LSAMP: variants seen among roughly 807,000 people sequenced by gnomAD.
LSAMP encodes limbic system-associated membrane protein.
A neutral mutation model predicts 38.6 loss-of-function variants in LSAMP; 7 were observed. The observed-to-expected ratio is 0.18, with a 90% confidence interval of 0.10 to 0.34. LSAMP has a LOEUF of 0.34. Ranked by LOEUF, LSAMP falls within the 10% of genes least tolerant of loss-of-function variation. LSAMP has a pLI of 1.00. For synonymous variants in LSAMP, 154 were observed against 166.8 expected, an observed-to-expected ratio of 0.92 and a Z score of 0.59; for missense variants, 313 against 420.0, an observed-to-expected ratio of 0.75 and a Z score of 2.23.
At chr3:116,181,699 A>C (rs1710488772) in intron 1 of LSAMP, among the ~76,000 whole-genome samples, 1 of 151,976 alleles carries the variant, frequency 6.6e-6, no homozygotes, top group African/African-American at 2.4e-5. Context: ...GTTATTATTC[A>C]TCACAATATC....
intron 6 of LSAMP, among the ~76,000 whole-genome samples, chr3:115,811,165 G>C (rs1351023540): frequency 6.6e-6 from 1 of 152,200 alleles, no homozygotes; most frequent in Admixed American, 6.5e-5. Context: ...AACTCACCCA[G>C]ATTAACCTGG....
chr3:115,815,651 G>A (rs998032116), intron 6 of LSAMP, among the ~76,000 whole-genome samples: 7 of 152,154 alleles, frequency 4.6e-5, no homozygotes, highest in African/African-American at 1.7e-4. Context: ...ACAATGCTAT[G>A]CCTTATTTTT....
intron 1 of LSAMP, among the ~76,000 whole-genome samples, chr3:116,247,239 C>T (rs2046616470): frequency 1.3e-5 from 2 of 152,136 alleles, no homozygotes; most frequent in South Asian, 4.1e-4. Flanking sequence ...ATGTCCCTAC[C>T]TCTGTATTGT....
At chr3:115,905,153 C>A (rs1936977484) in intron 3 of LSAMP, among the ~76,000 whole-genome samples, 1 of 152,084 alleles carries the variant, frequency 6.6e-6, no homozygotes, top group Non-Finnish European at 1.5e-5. Flanking sequence ...TGGGAAAATA[C>A]ACTCCAGGTT....
At chr3:115,896,686 G>C (rs973816240) in intron 3 of LSAMP, among the ~76,000 whole-genome samples, 6 of 152,046 alleles carry the variant, frequency 3.9e-5, no homozygotes, top group South Asian at 2.1e-4. Context: ...ATTGATTTAG[G>C]TATTGAGGAA....
chr3:116,049,021 G>A (rs954065239), intron 2 of LSAMP, among the ~76,000 whole-genome samples: 2 of 152,212 alleles, frequency 1.3e-5, no homozygotes, highest in South Asian at 4.1e-4. Flanking sequence ...TGATACTATA[G>A]AAGTTCAGTG....
rs1252075850 is a variant in LSAMP, at chr3:115,884,493, G to T, written c.515-31876C>A. Among the ~76,000 whole-genome samples, 3 of 152,118 alleles carry T rather than the reference G, an allele frequency of 2.0e-5. 1 individual carries two copies. The highest frequency in any genetic ancestry group is 7.2e-5 in the African/African-American group (3 of 41,540). On this transcript the variant is annotated intron_variant, in intron 3 of 6. Coordinates refer to ENST00000490035, the MANE Select transcript of LSAMP (RefSeq NM_002338.5). ...AATTCAAATTCAATCTGAAATTAAT[G>T]CTGTTGGATTGGCAATTAGTAAAGG...
chr3:115,952,371 G>A (rs1451346665), intron 3 of LSAMP, among the ~76,000 whole-genome samples: 1 of 152,180 alleles, frequency 6.6e-6, no homozygotes, highest in Admixed American at 6.5e-5. Flanking sequence ...AAACACCATG[G>A]AATACAACTC....
intron 2 of LSAMP, among the ~76,000 whole-genome samples, chr3:116,046,453 A>C (rs1044571610): frequency 8.5e-5 from 13 of 152,240 alleles, no homozygotes; most frequent in Non-Finnish European, 1.8e-4. Flanking sequence ...GTTCCTGCAC[A>C]GAACTCTGGT....
intron 1 of LSAMP, among the ~76,000 whole-genome samples, chr3:116,158,910 G>GAAACA (rs1045492999): frequency 6.6e-6 from 1 of 151,644 alleles, no homozygotes; most frequent in Non-Finnish European, 1.5e-5. Context: ...AAGCAAAAAC[G>GAAACA]AAACAAAACA....
intron 3 of LSAMP, among the ~76,000 whole-genome samples, chr3:115,918,470 G>T (rs1937303212): frequency 6.6e-6 from 1 of 152,148 alleles, no homozygotes; most frequent in Admixed American, 6.5e-5. Flanking sequence ...ATTTTGAGGT[G>T]GGAGAAGGGG....
At chr3:116,413,914 C>T (rs988616205) in intron 1 of LSAMP, among the ~76,000 whole-genome samples, 2 of 128,402 alleles carry the variant, frequency 1.6e-5, no homozygotes, top group African/African-American at 5.5e-5. Flanking sequence ...AAAAAAAAAA[C>T]AAACCAAAAA....
At chr3:116,024,179 G>T (rs1050239152) in intron 2 of LSAMP, among the ~76,000 whole-genome samples, 2 of 152,076 alleles carry the variant, frequency 1.3e-5, no homozygotes, top group Admixed American at 6.5e-5. Flanking sequence ...CATGACAGCT[G>T]GGTTACTTAC....
chr3:116,358,505 C>T (rs758692608), intron 1 of LSAMP, among the ~76,000 whole-genome samples: 3 of 152,086 alleles, frequency 2.0e-5, no homozygotes, highest in Non-Finnish European at 4.4e-5. Flanking sequence ...AACCCCTCCC[C>T]ACACTTGGAC....
At chr3:116,069,150 A>G (rs1707536382) in intron 2 of LSAMP, among the ~76,000 whole-genome samples, 1 of 152,144 alleles carries the variant, frequency 6.6e-6, no homozygotes, top group South Asian at 2.1e-4. Context: ...CACGGACCCT[A>G]ACAGGCCTGC....
At chr3:116,090,958 C>T (rs999510859) in intron 1 of LSAMP, among the ~76,000 whole-genome samples, 1 of 152,150 alleles carries the variant, frequency 6.6e-6, no homozygotes, top group East Asian at 1.9e-4. Flanking sequence ...TATCAGGAGA[C>T]GGGGTTTTGA....
At chr3:115,844,218 C>A (rs11917155) in intron 4 of LSAMP, among the ~76,000 whole-genome samples, 7,236 of 152,168 alleles carry the variant, frequency 0.048, 565 homozygotes, top group African/African-American at 0.16. Context: ...AATTATGATC[C>A]AAGTGTATTT....
chr3:115,852,323 G>A (rs1393256023), intron 4 of LSAMP, among the ~76,000 whole-genome samples, 160 bp downstream of exon 4: 2 of 152,206 alleles, frequency 1.3e-5, no homozygotes, highest in African/African-American at 2.4e-5. Context: ...CAAAGACCAA[G>A]TCCTGCCCTT....
At chr3:115,902,793 T>C (rs188716413) in intron 3 of LSAMP, among the ~76,000 whole-genome samples, 3 of 152,294 alleles carry the variant, frequency 2.0e-5, no homozygotes, top group Admixed American at 2.0e-4. Context: ...CACAATGAGA[T>C]ACCACTTCAC....
Sources: gnomAD v4.1 joint callset for allele counts (sites outside exome capture counted in the v4.1 genomes callset) on GRCh38, gnomAD v4.1.1 for gene constraint, MANE v1.5 for transcripts, NCBI Gene and HGNC (gene_info 2026-07-23, HGNC 2026-07-21) for gene names.